KAT6A: variants seen among roughly 807,000 people sequenced by gnomAD.
KAT6A encodes the protein lysine acetyltransferase 6A.
Under a neutral mutation model 198.4 loss-of-function variants are expected in KAT6A, and 9 were observed. That is an observed-to-expected ratio of 0.05 (90% confidence interval 0.03 to 0.08). The LOEUF is 0.08. KAT6A is among the 10% of genes least tolerant of loss of function. The pLI is 1.00. For synonymous variants in KAT6A, 890 were observed against 883.0 expected (o/e 1.01, Z -0.14); for missense variants, 2,077 against 2,509.9 (o/e 0.83, Z 3.69).
At position 42,023,747 on chromosome 8, in the gene KAT6A, A is replaced by G. The variant is rs560055367; in HGVS notation, c.600+24631T>C. ...AGTGATCCACCTGCCTTGGCCTCCC[A>G]AACTGCTGCGACTACAGGTGTGAGC... On this transcript the variant is annotated intron_variant, in intron 2 of 16. Transcript: ENST00000265713. Among the ~76,000 whole-genome samples, 19 of 151,938 alleles carry G rather than the reference A, an allele frequency of 1.3e-4. 1 individual carries two copies. The highest frequency in any genetic ancestry group is 4.6e-4 in the Admixed American group (7 of 15,262).
intron 16 of KAT6A, among the ~76,000 whole-genome samples, chr8:41,935,625 TTCAGTGGCATTAAGTACAC>T (rs1394610424): frequency 6.6e-6 from 1 of 152,104 alleles, no homozygotes; most frequent in Non-Finnish European, 1.5e-5. Flanking sequence ...AAGTGTTAAG[TTCAGTGGCATTAAGTACAC>T]TCACATTGCC....
chr8:41,963,703 T>A (rs1398087049), intron 8 of KAT6A, among the ~76,000 whole-genome samples: 1 of 152,196 alleles, frequency 6.6e-6, no homozygotes, highest in African/African-American at 2.4e-5. Flanking sequence ...TATGATGTCA[T>A]CCACTTTTTA....
At chr8:42,027,601 C>T (rs1289799112) in intron 2 of KAT6A, among the ~76,000 whole-genome samples, 1 of 152,134 alleles carries the variant, frequency 6.6e-6, no homozygotes, top group Non-Finnish European at 1.5e-5. Context: ...ATAATAGTTG[C>T]TGACGATCCT....
At chr8:41,992,359 A>G (rs559907278) in intron 2 of KAT6A, among the ~76,000 whole-genome samples, 21 of 152,358 alleles carry the variant, frequency 1.4e-4, no homozygotes, top group African/African-American at 5.1e-4. Flanking sequence ...AGGTAGCTAA[A>G]AAGAAATTGC....
At chr8:41,983,533 A>G (rs1824462415) in intron 3 of KAT6A, among the ~76,000 whole-genome samples, 1 of 152,222 alleles carries the variant, frequency 6.6e-6, no homozygotes, top group African/African-American at 2.4e-5. Context: ...CTGATATACT[A>G]TAACCTGCAT....
intron 11 of KAT6A, among the ~76,000 whole-genome samples, chr8:41,947,104 A>G (rs2150865946): frequency 6.6e-6 from 1 of 152,336 alleles, no homozygotes; most frequent in South Asian, 2.1e-4. Context: ...GAGCAGTCCT[A>G]TTAGTTGTAT....
In KAT6A at chr8:41,931,570, G is replaced by A. The variant is rs1337535225; in HGVS notation, c.*635C>T. 1 of 203,856 alleles carries A rather than the reference G, an allele frequency of 4.9e-6. No homozygotes were observed. The highest frequency in any genetic ancestry group is 1.0e-5 in the Non-Finnish European group (1 of 99,510). The allele number at this position is 203,856 out of a possible 1,614,324, so 12.6% of individuals were successfully genotyped here. A position where few individuals can be genotyped will look rare whatever the true frequency, so the allele number is the denominator to read the frequency against. On this transcript the variant is annotated 3_prime_UTR_variant, in exon 17 of 17. Transcript: ENST00000265713. ...CTTGGGGAAGGGTTTCAAGAGGTGT[G>A]TGTGTGTGAGGAGTGGAGGGGATTT...
At chr8:41,943,485 A>T (rs1409502486) in intron 13 of KAT6A, among the ~76,000 whole-genome samples, 1 of 152,206 alleles carries the variant, frequency 6.6e-6, no homozygotes, top group Non-Finnish European at 1.5e-5. Flanking sequence ...CAATACTAGA[A>T]GATGAAAGAT....
At chr8:41,963,646 A>G (rs996608246) in intron 8 of KAT6A, among the ~76,000 whole-genome samples, 2 of 152,214 alleles carry the variant, frequency 1.3e-5, no homozygotes, top group Non-Finnish European at 2.9e-5. Context: ...GGTGTTCCTC[A>G]ATCCATTGCT....
intron 2 of KAT6A, among the ~76,000 whole-genome samples, chr8:42,026,476 G>C (rs1313127556): frequency 6.6e-6 from 1 of 151,840 alleles, no homozygotes; most frequent in Non-Finnish European, 1.5e-5. Flanking sequence ...CCTTATAGAG[G>C]TCTTCCACCT....
intron 2 of KAT6A, among the ~76,000 whole-genome samples, chr8:42,001,736 G>A (rs1378859985): frequency 1.3e-5 from 2 of 152,144 alleles, no homozygotes; most frequent in African/African-American, 2.4e-5. Context: ...GATCTGTACA[G>A]ATCTTGAGAA....
chr8:41,967,274 A>AATTATTTATTTATTT (rs1823550045), intron 8 of KAT6A, among the ~76,000 whole-genome samples: 1 of 142,798 alleles, frequency 7.0e-6, no homozygotes, highest in African/African-American at 2.6e-5. Flanking sequence ...TAAAAAAAAA[A>AATTATTTATTTATTT]ATTTATTTAT....
chr8:41,990,806 A>AC (rs929190619), intron 2 of KAT6A, among the ~76,000 whole-genome samples: 5 of 152,174 alleles, frequency 3.3e-5, no homozygotes, highest in Admixed American at 2.0e-4. Flanking sequence ...AGCCTGGCCA[A>AC]CATGGTAAAA....
intron 2 of KAT6A, among the ~76,000 whole-genome samples, chr8:42,011,460 G>A (rs893100002): frequency 4.6e-5 from 7 of 152,206 alleles, no homozygotes; most frequent in South Asian, 2.1e-4. Context: ...TACTTCGGCC[G>A]GGTGCGGTGA....
chr8:41,995,725 G>A (rs1284340732), intron 2 of KAT6A, among the ~76,000 whole-genome samples: 4 of 149,906 alleles, frequency 2.7e-5, no homozygotes. Flanking sequence ...TGCCCAGGCG[G>A]GAGTGCAATG....
intron 9 of KAT6A, among the ~76,000 whole-genome samples, chr8:41,954,487 T>C (rs530380976): frequency 1.3e-5 from 2 of 152,248 alleles, no homozygotes; most frequent in Non-Finnish European, 2.9e-5. Context: ...AAGTAGTTTA[T>C]AGATTAGAGA....
chr8:41,967,517 A>G (rs1230771867), intron 8 of KAT6A, among the ~76,000 whole-genome samples: 4 of 138,644 alleles, frequency 2.9e-5, no homozygotes, highest in African/African-American at 1.1e-4. Flanking sequence ...TCACTGTTCA[A>G]TTCCCACCTA....
At chr8:42,007,544 G>A (rs1471666373) in intron 2 of KAT6A, among the ~76,000 whole-genome samples, 1 of 152,306 alleles carries the variant, frequency 6.6e-6, no homozygotes, top group Non-Finnish European at 1.5e-5. Context: ...TGTGGACTGA[G>A]TTCTATAAGG....
intron 2 of KAT6A, among the ~76,000 whole-genome samples, chr8:42,040,047 G>A (rs1392756486): frequency 6.6e-6 from 1 of 151,602 alleles, no homozygotes; most frequent in East Asian, 1.9e-4. Flanking sequence ...GCGCCCTGCC[G>A]AAAATTTGTA....
Sources: allele counts gnomAD v4.1 joint callset (sites outside exome capture counted in the v4.1 genomes callset), GRCh38; gene constraint gnomAD v4.1.1; transcripts MANE v1.5; gene names NCBI Gene and HGNC (gene_info 2026-07-23, HGNC 2026-07-21).